FAM120B: variants seen among roughly 807,000 people sequenced by gnomAD.
FAM120B encodes the protein constitutive coactivator of peroxisome proliferator-activated receptor gamma.
A neutral mutation model predicts 96.3 loss-of-function variants in FAM120B; 83 were observed. The observed-to-expected ratio is 0.86, with a 90% CI of 0.72 to 1.03. FAM120B has a LOEUF of 1.03. Among genes scored for constraint, FAM120B ranks in the 50% least tolerant of loss-of-function variants. FAM120B has a pLI of 0.00. For missense variants in FAM120B, 1,027 were observed against 1,121.2 expected (o/e 0.92, Z 1.20); for synonymous variants, 407 against 402.7 (o/e 1.01, Z -0.13).
chr6:170,310,975 C>G (rs1027847100), intron 1 of FAM120B, among the ~76,000 whole-genome samples: 8 of 152,196 alleles, frequency 5.3e-5, no homozygotes, highest in African/African-American at 1.7e-4. Flanking sequence ...GAGTTTAGAT[C>G]TCATGTTCTT....
intron 6 of FAM120B, among the ~76,000 whole-genome samples, chr6:170,376,264 C>T (rs1453155012): frequency 2.8e-4 from 42 of 152,002 alleles, no homozygotes. Context: ...AGATCTGTTT[C>T]CAGACAGATC....
intron 7 of FAM120B, among the ~76,000 whole-genome samples, chr6:170,389,888 A>C (rs1309400638): frequency 4.6e-5 from 7 of 152,064 alleles, no homozygotes; most frequent in South Asian, 4.2e-4. Flanking sequence ...ATGAGGAACT[A>C]ATACTCCCTG....
upstream of FAM120B, chr6:170,295,247 C>A (rs1014347905): frequency 1.7e-6 from 1 of 596,142 alleles, no homozygotes; most frequent in Non-Finnish European, 3.0e-6. This position sits in a 1 kb window ranked among gnomAD's most constrained non-coding sequence, Gnocchi z 7.8. Flanking sequence ...ACCTTACCCC[C>A]CAACACACAC....
intron 4 of FAM120B, among the ~76,000 whole-genome samples, chr6:170,346,306 C>T (rs541847401): frequency 5.3e-5 from 8 of 151,968 alleles, no homozygotes; most frequent in African/African-American, 9.7e-5. Flanking sequence ...TCATAAATGT[C>T]TTATTCACAT....
In FAM120B at chr6:170,394,579, A is replaced by G. The variant is rs61243030; in HGVS notation, c.2600-908A>G. ...CGTGGACACCGCAGCATGCCAGCAC[A>G]AGGCCACGCCTCCGTGGACACCGCA... is the stretch of plus-strand genomic sequence containing the variant. On this transcript the variant is annotated intron_variant, in intron 8 of 10. Transcript: ENST00000476287. Among the ~76,000 whole-genome samples, 665 of 65,256 alleles carry G rather than the reference A, an allele frequency of 0.01. 1 individual carries two copies. The East Asian group carries it at 0.19, about 19-fold the overall frequency. 42.8% of individuals were successfully genotyped at this position (65,256 alleles called of 152,430 possible).
intron 9 of FAM120B, 184 bp from the exon 10 acceptor site, chr6:170,404,366 C>G: frequency 3.8e-6 from 2 of 526,274 alleles, no homozygotes; most frequent in Non-Finnish European, 6.7e-6. Context: ...ATTGCTTCCA[C>G]TTTAATGGAA....
chr6:170,325,395 T>C (rs910255721), intron 3 of FAM120B, among the ~76,000 whole-genome samples: 2 of 152,200 alleles, frequency 1.3e-5, no homozygotes, highest in South Asian at 2.1e-4. Flanking sequence ...ACTCTTGGCA[T>C]AATTAGGGCT....
At position 170,348,175 on chromosome 6, in the gene FAM120B, T is replaced by C; in HGVS notation, c.2042T>C (p.Leu681Ser). The change falls in exon 5 of 11, where the codon TTA becomes TCA. Residue 681 changes from leucine to serine, a missense_variant. Transcript: ENST00000476287. The stretch of plus-strand genomic sequence containing the variant: ...GGGGGAACGCCTAGTTTGAAAATAT[T>C]ATGGCTGAACCAAGAGCCAGAAATA... ...IPGGTPSLKILWLNQEPEIQV... is the reference protein window; with the variant it reads ...IPGGTPSLKISWLNQEPEIQV... 6.2e-7 allele frequency: 1 copy of C among 1,614,022 alleles called. No individual in the cohort carries two copies. The highest frequency in any genetic ancestry group is 8.5e-7 in the Non-Finnish European group (1 of 1,179,962).
intron 6 of FAM120B, among the ~76,000 whole-genome samples, chr6:170,369,250 C>G (rs1789020783): frequency 1.3e-5 from 2 of 152,264 alleles, no homozygotes; most frequent in South Asian, 4.2e-4. Context: ...CAGTATTTAT[C>G]CAGAATTTTC....
intron 7 of FAM120B, among the ~76,000 whole-genome samples, chr6:170,389,693 A>G (rs1347202260): frequency 6.6e-6 from 1 of 151,778 alleles, no homozygotes; most frequent in Non-Finnish European, 1.5e-5. Flanking sequence ...CTGAGTAGCC[A>G]GGACTGCAGG....
chr6:170,362,340 C>T (rs543172998), intron 6 of FAM120B, among the ~76,000 whole-genome samples: 263 of 152,318 alleles, frequency 1.7e-3, no homozygotes, highest in Middle Eastern at 3.4e-3. Flanking sequence ...ACAGCTGGTG[C>T]CCTTGTGGGC....
chr6:170,402,580 G>A (rs997348472), intron 9 of FAM120B, among the ~76,000 whole-genome samples: 3 of 152,194 alleles, frequency 2.0e-5, no homozygotes, highest in East Asian at 1.9e-4. Flanking sequence ...CTGTCGCCTC[G>A]TTCCTAAGTC....
At position 170,370,427 on chromosome 6, in the gene FAM120B, G is replaced by A. The variant is rs562519884; in HGVS notation, c.2283+12109G>A. On this transcript the variant is annotated intron_variant, in intron 6 of 10. Transcript: ENST00000476287. This position sits in a 1 kb window ranked among gnomAD's most constrained non-coding sequence, Gnocchi z 4.3. ...GGGTGAGGCAGAGGACCCTGTTTCT[G>A]TAGGGCTCCCAGTTTCTCTGTGCCC... Among the ~76,000 whole-genome samples, 1 of 152,226 alleles carries A rather than the reference G, an allele frequency of 6.6e-6. No individual in the cohort carries two copies. Among genetic ancestry groups the A allele is most frequent in the Non-Finnish European group, 1.5e-5 (1 of 68,040 alleles).
chr6:170,299,606 A>C (rs1756985354), intron 1 of FAM120B, among the ~76,000 whole-genome samples: 1 of 152,188 alleles, frequency 6.6e-6, no homozygotes, highest in Admixed American at 6.5e-5. Context: ...GAAAATAGTA[A>C]TTTTGTATTT....
chr6:170,311,506 C>A (rs1009710060), intron 1 of FAM120B, among the ~76,000 whole-genome samples: 9 of 152,218 alleles, frequency 5.9e-5, no homozygotes, highest in Admixed American at 5.9e-4. Context: ...TAAAAGATTT[C>A]CTCCGTGTTG....
intron 6 of FAM120B, among the ~76,000 whole-genome samples, chr6:170,362,733 G>T (rs575859852): frequency 6.7e-6 from 1 of 150,216 alleles, no homozygotes; most frequent in Admixed American, 6.6e-5. Flanking sequence ...CCAGACTGGA[G>T]TACAGTGGTA....
intron 3 of FAM120B, among the ~76,000 whole-genome samples, chr6:170,326,020 C>G (rs1382251390): frequency 6.6e-6 from 1 of 152,000 alleles, no homozygotes; most frequent in Non-Finnish European, 1.5e-5. Flanking sequence ...TTCATTCTCC[C>G]CAACATTTTT....
In FAM120B at chr6:170,370,485, G is replaced by A. The variant is rs1439333753; in HGVS notation, c.2283+12167G>A. ...CCTCTCGCCTTTCCTGGTTCCAGGAGCTGCTGTCCAGTCGTGCTCTGGAAG... is the reference window on the plus strand; with the variant it reads ...CCTCTCGCCTTTCCTGGTTCCAGGAACTGCTGTCCAGTCGTGCTCTGGAAG... On this transcript the variant is annotated intron_variant, in intron 6 of 10. Transcript: ENST00000476287. This position sits in a 1 kb window ranked among gnomAD's most constrained non-coding sequence, Gnocchi z 4.3. Among the ~76,000 whole-genome samples, 1 of 152,166 alleles carries A rather than the reference G, an allele frequency of 6.6e-6. No homozygotes were observed.
In FAM120B at chr6:170,399,793, A is replaced by G. The variant is rs1028668469; in HGVS notation, c.2692+4214A>G. Among the ~76,000 whole-genome samples, 741 of 131,926 alleles carry G rather than the reference A, an allele frequency of 5.6e-3. 1 individual carries two copies. The highest frequency in any genetic ancestry group is 6.5e-3 in the Non-Finnish European group (403 of 61,982). The allele number at this position is 131,926 out of a possible 152,430, so 86.5% of individuals were successfully genotyped here. Reference sequence around the variant, plus strand: ...ATGTCATAACCCTTAGGAGTGAGTGAGGAAGGTAGAACTATGTCATAAGCC... The same window carrying G: ...ATGTCATAACCCTTAGGAGTGAGTGGGGAAGGTAGAACTATGTCATAAGCC... On this transcript the variant is annotated intron_variant, in intron 9 of 10. Coordinates refer to ENST00000476287, the MANE Select transcript of FAM120B (RefSeq NM_032448.3).
Sources: gnomAD v4.1 joint callset for allele counts (sites outside exome capture counted in the v4.1 genomes callset) on GRCh38, gnomAD v4.1.1 for gene constraint, Gnocchi (gnomAD v3.1) non-coding constraint, MANE v1.5 for transcripts, NCBI Gene and HGNC (gene_info 2026-07-23, HGNC 2026-07-21) for gene names.